The following CADM1 variants were observed in gnomAD, a reference collection of about 807,000 sequenced individuals.
The protein encoded by CADM1 is TSLC-1.
Under a neutral mutation model 53.1 loss-of-function variants are expected in CADM1, and 15 were observed. The ratio of observed to expected loss-of-function variants is 0.28; its 90% CI spans 0.19 to 0.44. The LOEUF (loss-of-function observed/expected upper bound fraction) is 0.44, where lower values mean the gene tolerates loss of function less well. CADM1 is among the 20% of genes least tolerant of loss of function. CADM1 has a pLI of 1.00. For missense variants in CADM1, 434 were observed against 611.3 expected, an observed-to-expected ratio of 0.71 and a Z score of 3.06; for synonymous variants, 281 against 243.0, an observed-to-expected ratio of 1.16 and a Z score of -1.45.
intron 1 of CADM1, among the ~76,000 whole-genome samples, chr11:115,429,233 A>G (rs529939717): frequency 6.6e-6 from 1 of 152,194 alleles, no homozygotes; most frequent in African/African-American, 2.4e-5. Flanking sequence ...CTGAGAACTA[A>G]AAAAAATAGC....
At chr11:115,207,950 A>G (rs1399228029) in intron 8 of CADM1, among the ~76,000 whole-genome samples, 2 of 152,258 alleles carry the variant, frequency 1.3e-5, no homozygotes, top group African/African-American at 4.8e-5. Context: ...GTGAAAAGGT[A>G]AAAACCTAGT....
intron 1 of CADM1, among the ~76,000 whole-genome samples, chr11:115,272,432 G>GA (rs958851411): frequency 9.9e-5 from 15 of 150,838 alleles, no homozygotes; most frequent in South Asian, 6.3e-4. Flanking sequence ...TATTTTAAAA[G>GA]AAAAAAAACA....
At chr11:115,438,491 C>G (rs1471972462) in intron 1 of CADM1, among the ~76,000 whole-genome samples, 1 of 151,976 alleles carries the variant, frequency 6.6e-6, no homozygotes, top group East Asian at 1.9e-4. Context: ...ACAAATCAGA[C>G]AGTCAGAGCT....
intron 4 of CADM1, among the ~76,000 whole-genome samples, chr11:115,230,350 T>C (rs988859722): frequency 6.6e-6 from 1 of 152,178 alleles, no homozygotes; most frequent in Non-Finnish European, 1.5e-5. Context: ...TTACAACTAT[T>C]CCCTCTTTTC....
In CADM1 at chr11:115,420,583, C is replaced by G. The variant is rs189434427; in HGVS notation, c.124+83688G>C. Among the ~76,000 whole-genome samples, 285 of 152,292 alleles carry G rather than the reference C, an allele frequency of 1.9e-3. 2 individuals carry two copies. The highest frequency in any genetic ancestry group is 0.014 in the Middle Eastern group (4 of 294). On this transcript the variant is annotated intron_variant, in intron 1 of 11. Coordinates refer to ENST00000331581, the MANE Select transcript of CADM1 (RefSeq NM_001301043.2). ...CATTAGAAAAGGTCATTAAAAAGCT[C>G]TTACAACCATCTGTACCCAGATGGA... is the stretch of plus-strand genomic sequence containing the variant.
At chr11:115,333,825 C>G (rs893692223) in intron 1 of CADM1, among the ~76,000 whole-genome samples, 14 of 152,008 alleles carry the variant, frequency 9.2e-5, no homozygotes, top group African/African-American at 3.4e-4. Flanking sequence ...GGCTCACAGT[C>G]ATTTCATCAG....
chr11:115,444,972 A>G (rs962428317), intron 1 of CADM1, among the ~76,000 whole-genome samples: 1 of 152,232 alleles, frequency 6.6e-6, no homozygotes, highest in Admixed American at 6.5e-5. Context: ...TGTGTGAAGC[A>G]CAGTAGGGGA....
chr11:115,195,317 A>T (rs1286922761), intron 9 of CADM1, among the ~76,000 whole-genome samples: 2 of 152,242 alleles, frequency 1.3e-5, no homozygotes. Context: ...CAACATACAT[A>T]AACAACTGGT....
At chr11:115,182,717 G>T (rs1939368938) in intron 10 of CADM1, among the ~76,000 whole-genome samples, 1 of 152,152 alleles carries the variant, frequency 6.6e-6, no homozygotes, top group African/African-American at 2.4e-5. Flanking sequence ...GGGCTTCAGG[G>T]CGGGCAGGCA....
chr11:115,313,113 A>G (rs1039682114), intron 1 of CADM1, among the ~76,000 whole-genome samples: 1 of 152,186 alleles, frequency 6.6e-6, no homozygotes, highest in Non-Finnish European at 1.5e-5. Flanking sequence ...GGGAAACCTA[A>G]TTTTACATTA....
rs536536572 is a variant in CADM1 at position 115,312,665 on chromosome 11, A to C, written c.125-72245T>G. On this transcript the variant is annotated intron_variant, in intron 1 of 11. Transcript: ENST00000331581. ...TTGTCCCCACCTTACCAAAAATAAAACTCCAGGTGATTTGTATTGGCACAA... is the reference window on the plus strand; with the variant it reads ...TTGTCCCCACCTTACCAAAAATAAACCTCCAGGTGATTTGTATTGGCACAA... Among the ~76,000 whole-genome samples the C allele has an allele frequency of 2.0e-5, 3 of 152,202 alleles. No individual in the cohort carries two copies. The South Asian group carries it at 6.2e-4, about 32-fold the overall frequency.
intron 11 of CADM1, among the ~76,000 whole-genome samples, chr11:115,177,263 C>T (rs912664719): frequency 5.3e-5 from 8 of 152,144 alleles, no homozygotes; most frequent in African/African-American, 1.9e-4. Context: ...AACTCTAGCC[C>T]GGACCCGGAT....
At chr11:115,435,265 A>C (rs949285671) in intron 1 of CADM1, among the ~76,000 whole-genome samples, 1 of 152,234 alleles carries the variant, frequency 6.6e-6, no homozygotes, top group Non-Finnish European at 1.5e-5. Context: ...CTTAGAAAGC[A>C]TAGACAGTAA....
rs868656262 is a variant in CADM1, at chr11:115,338,806, T to C, written c.125-98386A>G. Among the ~76,000 whole-genome samples the C allele has an allele frequency of 3.9e-5, 6 of 152,064 alleles. No homozygotes were observed. The South Asian group carries it at 1.2e-3, about 31-fold the overall frequency. On this transcript the variant is annotated intron_variant, in intron 1 of 11. Coordinates refer to ENST00000331581, the MANE Select transcript of CADM1 (RefSeq NM_001301043.2). ...TAAGAAGAGGGGAGGAGACTGCAAG[T>C]GCTATATGCTTTGTAAGATCCTGTA...
chr11:115,264,310 A>G (rs1416247790), intron 1 of CADM1, among the ~76,000 whole-genome samples: 1 of 152,208 alleles, frequency 6.6e-6, no homozygotes, highest in Non-Finnish European at 1.5e-5. Flanking sequence ...AGGTTGATTT[A>G]TAACAGATTA....
chr11:115,409,247 A>G (rs1164852498), intron 1 of CADM1, among the ~76,000 whole-genome samples: 2 of 152,218 alleles, frequency 1.3e-5, no homozygotes, highest in African/African-American at 4.8e-5. Flanking sequence ...CATTTCAGGC[A>G]CTCAAAGAAG....
At chr11:115,417,311 G>A (rs1241631163) in intron 1 of CADM1, among the ~76,000 whole-genome samples, 3 of 151,960 alleles carry the variant, frequency 2.0e-5, no homozygotes, top group Non-Finnish European at 4.4e-5. Context: ...GAAACTTGTG[G>A]TGAATCTTTA....
chr11:115,499,175 A>G (rs1436408701), intron 1 of CADM1, among the ~76,000 whole-genome samples: 1 of 152,240 alleles, frequency 6.6e-6, no homozygotes, highest in Non-Finnish European at 1.5e-5. Context: ...TAAGAAAATC[A>G]AGCTCTGTTC....
At chr11:115,417,224 C>G (rs1208428873) in intron 1 of CADM1, among the ~76,000 whole-genome samples, 1 of 152,202 alleles carries the variant, frequency 6.6e-6, no homozygotes, top group African/African-American at 2.4e-5. Context: ...CAGTCAATTC[C>G]TGCAAAGTTA....
Sources: gnomAD v4.1 joint callset for allele counts (sites outside exome capture counted in the v4.1 genomes callset) on GRCh38, gnomAD v4.1.1 for gene constraint, MANE v1.5 for transcripts, NCBI Gene and HGNC (gene_info 2026-07-23, HGNC 2026-07-21) for gene names.